The following TTC34 variants were observed in gnomAD, a reference collection of about 807,000 sequenced individuals.
TTC34 encodes tetratricopeptide repeat protein 34.
Under a neutral mutation model 40.7 loss-of-function variants are expected in TTC34, and 44 were observed. The observed-to-expected ratio is 1.08, with a 90% CI of 0.85 to 1.39. TTC34 has a LOEUF of 1.39. Among genes scored for constraint, TTC34 ranks in the 40% most tolerant of loss-of-function variants. The pLI is 0.00. For synonymous variants in TTC34, 422 were observed against 398.6 expected (o/e 1.06, Z -0.70); for missense variants, 884 against 838.0 (o/e 1.05, Z -0.68).
chr1:2,794,590 C>A (rs1643695607), intron 2 of TTC34, among the ~76,000 whole-genome samples: 1 of 152,046 alleles, frequency 6.6e-6, no homozygotes, highest in East Asian at 1.9e-4. Flanking sequence ...CTTACATGTT[C>A]TGTCTTGTTT....
At chr1:2,782,323 A>G (rs564568495) in intron 6 of TTC34, among the ~76,000 whole-genome samples, 3 of 151,950 alleles carry the variant, frequency 2.0e-5, no homozygotes, top group Non-Finnish European at 2.9e-5. Flanking sequence ...AATTATTTTT[A>G]TTTCTGTAGA....
chr1:2,685,802 C>T (rs1362821183), intron 6 of TTC34, among the ~76,000 whole-genome samples: 1 of 151,026 alleles, frequency 6.6e-6, no homozygotes, highest in African/African-American at 2.4e-5. Flanking sequence ...CCCACACCCC[C>T]AGGTGAGCAT....
At chr1:2,769,830 C>G (rs1642006453) in intron 6 of TTC34, among the ~76,000 whole-genome samples, 1 of 77,648 alleles carries the variant, frequency 1.3e-5, no homozygotes, top group African/African-American at 5.4e-5. Context: ...CAGGCGCCCA[C>G]AATCCCAGGT....
chr1:2,666,150 G>T (rs1457099841), intron 6 of TTC34, among the ~76,000 whole-genome samples: 72 of 104,310 alleles, frequency 6.9e-4, no homozygotes, highest in South Asian at 1.2e-3. Flanking sequence ...GCATCTGACA[G>T]CCTGGAACAG....
chr1:2,800,973 C>G (rs1204841266), intron 1 of TTC34, 105 bp from the exon 2 acceptor site: 2 of 397,674 alleles, frequency 5.0e-6, no homozygotes, highest in East Asian at 3.6e-5. Flanking sequence ...CCCATTGACC[C>G]CACGGTCAGT....
At chr1:2,780,265 T>A (rs1643460888) in intron 6 of TTC34, among the ~76,000 whole-genome samples, 1 of 152,216 alleles carries the variant, frequency 6.6e-6, no homozygotes, top group South Asian at 2.1e-4. Flanking sequence ...ATTATAATAG[T>A]GTCCTTTGGT....
At chr1:2,699,091 AC>A (rs1641006611) in intron 6 of TTC34, among the ~76,000 whole-genome samples, 1 of 32,632 alleles carries the variant, frequency 3.1e-5, no homozygotes, top group Non-Finnish European at 9.1e-5. Context: ...GCGCCCACAC[AC>A]CCAAGTGAGC....
rs537792185 is a variant in TTC34 at position 2,646,616 on chromosome 1, T to C, written c.2227-1053A>G. Among the ~76,000 whole-genome samples the C allele has an allele frequency of 3.9e-5, 6 of 152,320 alleles. No individual in the cohort carries two copies. The East Asian group carries it at 1.2e-3, about 29-fold the overall frequency. On this transcript the variant is annotated intron_variant, in intron 6 of 8. Coordinates refer to ENST00000401095, the Ensembl canonical transcript of TTC34. ...GCCCAGGCTGGTATGGAACTTCTGG[T>C]CTCAAGCCATCCTCCCACCTTGGCC...
At chr1:2,784,410 A>G (rs557301980) in intron 5 of TTC34, among the ~76,000 whole-genome samples, 1 of 152,334 alleles carries the variant, frequency 6.6e-6, no homozygotes, top group South Asian at 2.1e-4. Context: ...GAAGCACCAC[A>G]GGGAGGGGTT....
chr1:2,654,207 C>A (rs1570758212), intron 6 of TTC34, among the ~76,000 whole-genome samples: 1 of 135,476 alleles, frequency 7.4e-6, no homozygotes, highest in Non-Finnish European at 1.6e-5. Context: ...GCAGCACCCA[C>A]ACACCCAGGT....
In TTC34 at chr1:2,790,657, G is replaced by T. The variant is rs180904073; in HGVS notation, c.785-311C>A. ...GGTTCAGAGTCACTCCCACCGCTCAGTGCAAACCAAATTCAGTTACAACGC... is the reference window on the plus strand; with the variant it reads ...GGTTCAGAGTCACTCCCACCGCTCATTGCAAACCAAATTCAGTTACAACGC... On this transcript the variant is annotated intron_variant, in intron 2 of 8. Transcript: ENST00000401095. 6.5e-3 allele frequency among the ~76,000 whole-genome samples: 990 copies of T among 152,348 alleles called. 11 individuals are homozygous for T. The highest frequency in any genetic ancestry group is 0.01 in the Non-Finnish European group (697 of 68,032).
At chr1:2,648,856 G>A (rs909117035) in intron 6 of TTC34, among the ~76,000 whole-genome samples, 2 of 146,970 alleles carry the variant, frequency 1.4e-5, no homozygotes, top group Non-Finnish European at 3.0e-5. Flanking sequence ...GTGAACTTGC[G>A]ACAATCCAAA....
intron 6 of TTC34, among the ~76,000 whole-genome samples, chr1:2,751,945 G>A (rs1434260639): frequency 2.5e-5 from 2 of 79,830 alleles, no homozygotes; most frequent in Non-Finnish European, 4.6e-5. Flanking sequence ...GGTGAACATC[G>A]GAGAGTCTGG....
intron 6 of TTC34, among the ~76,000 whole-genome samples, chr1:2,690,626 GT>G (rs1640575069): frequency 2.4e-5 from 2 of 84,494 alleles, no homozygotes; most frequent in Admixed American, 1.1e-4. Flanking sequence ...ACAACCCCAG[GT>G]GAGCATCTGA....
chr1:2,784,660 C>T (rs1345768438), intron 5 of TTC34, among the ~76,000 whole-genome samples: 2 of 152,152 alleles, frequency 1.3e-5, no homozygotes, highest in Admixed American at 6.5e-5. Flanking sequence ...CACAATGTCC[C>T]TTCAGCACCT....
At chr1:2,791,027 A>G (rs1253137416) in intron 2 of TTC34, among the ~76,000 whole-genome samples, 1 of 152,156 alleles carries the variant, frequency 6.6e-6, no homozygotes, top group Non-Finnish European at 1.5e-5. Context: ...TGAGGATTAA[A>G]CGGATCTACC....
rs373728551 is a variant in TTC34 at position 2,683,257 on chromosome 1, A to G, written c.2227-37694T>C. On this transcript the variant is annotated intron_variant, in intron 6 of 8. Transcript: ENST00000401095. ...CCCAAGTGAGCATCTGATGGTTTGC[A>G]GCAGCACCCACACCCACAGGTGAGC... Among the ~76,000 whole-genome samples the G allele has an allele frequency of 2.0e-4, 30 of 150,142 alleles. No individual in the cohort carries two copies. In the East Asian group the frequency reaches 2.8e-3, roughly 14 times the overall value.
intron 6 of TTC34, among the ~76,000 whole-genome samples, chr1:2,652,874 G>T (rs1418453989): frequency 6.6e-6 from 1 of 151,324 alleles, no homozygotes; most frequent in African/African-American, 2.4e-5. Context: ...ATGGTCTGGA[G>T]CAGCACCCAC....
At chr1:2,768,529 G>C (rs1641873499) in intron 6 of TTC34, among the ~76,000 whole-genome samples, 1 of 151,618 alleles carries the variant, frequency 6.6e-6, no homozygotes, top group Non-Finnish European at 1.5e-5. Flanking sequence ...GCCTGGAACA[G>C]CACCCCACAA....
Sources: gnomAD v4.1 joint callset for allele counts (sites outside exome capture counted in the v4.1 genomes callset) on GRCh38, gnomAD v4.1.1 for gene constraint, MANE v1.5 for transcripts, NCBI Gene and HGNC (gene_info 2026-07-23, HGNC 2026-07-21) for gene names.